Variants in VWF observed in about 807,000 individuals in gnomAD.
The protein encoded by VWF is von Willebrand factor, also known as Factor VIII related antigen.
In VWF, 176 loss-of-function variants were observed where a neutral mutation model predicts 308.6. The ratio of observed to expected loss-of-function variants is 0.57; its 90% CI spans 0.50 to 0.65. VWF has a LOEUF of 0.65. VWF is among the 30% of genes least tolerant of loss of function. VWF has a pLI of 0.00. For missense variants in VWF, 3,146 were observed against 3,648.2 expected, an observed-to-expected ratio of 0.86 and a Z score of 3.55; for synonymous variants, 1,385 against 1,443.4, an observed-to-expected ratio of 0.96 and a Z score of 0.92.
chr12:5,976,455 G>C (rs1206655951), intron 42 of VWF, among the ~76,000 whole-genome samples, 195 bp from the exon 43 acceptor site: 1 of 152,104 alleles, frequency 6.6e-6, no homozygotes, highest in Non-Finnish European at 1.5e-5. Flanking sequence ...ACCAGCCTTA[G>C]AAAAGCTATG....
intron 50 of VWF, 30 bp from the exon 51 acceptor site, chr12:5,949,913 G>C: frequency 6.2e-7 from 1 of 1,602,212 alleles, no homozygotes; most frequent in Admixed American, 1.7e-5. Context: ...TGAAACTTGA[G>C]GACTGGCTGG....
At chr12:6,099,726 T>C (rs1945140910) in intron 5 of VWF, among the ~76,000 whole-genome samples, 1 of 151,870 alleles carries the variant, frequency 6.6e-6, no homozygotes, top group Non-Finnish European at 1.5e-5. Context: ...CCTTACACCT[T>C]ATACAAAAAT....
At position 6,018,697 on chromosome 12, in the gene VWF, T is replaced by C; in HGVS notation, c.4721A>G (p.Asn1574Ser). Residue 1574 changes from asparagine to serine, a missense_variant, in exon 28 of 52, where the codon AAC becomes AGC. Physicochemically the swap from Asn to Ser is conservative, Grantham distance 46. Transcript: ENST00000261405. ...RVREIRYQGG[N>S]RTNTGLALRY... ...CAGGGCCAGCCCAGTGTTGGTCCTG[T>C]TGCCGCCCTGGTAGCGGATCTCTCG... 6.2e-7 allele frequency: 1 copy of C among 1,613,760 alleles called. No individual in the cohort carries two copies. The highest frequency in any genetic ancestry group is 8.5e-7 in the Non-Finnish European group (1 of 1,179,860).
intron 50 of VWF, among the ~76,000 whole-genome samples, chr12:5,950,486 A>G (rs1028889564): frequency 2.6e-4 from 39 of 152,188 alleles, no homozygotes; most frequent in Admixed American, 7.2e-4. Context: ...TACTTGGCCC[A>G]CTGGGAATTC....
chr12:6,049,347 G>C (rs530498657), intron 16 of VWF, among the ~76,000 whole-genome samples: 2 of 152,186 alleles, frequency 1.3e-5, no homozygotes, highest in African/African-American at 2.4e-5. Flanking sequence ...ACATGGAGAG[G>C]TCGCTGATGT....
At chr12:5,983,615 A>G (rs2136373363) in intron 40 of VWF, among the ~76,000 whole-genome samples, 1 of 152,174 alleles carries the variant, frequency 6.6e-6, no homozygotes, top group South Asian at 2.1e-4. Flanking sequence ...AACATAGGGT[A>G]GATAGACAGA....
At chr12:6,089,262 G>T (rs538079217) in intron 6 of VWF, among the ~76,000 whole-genome samples, 1 of 152,336 alleles carries the variant, frequency 6.6e-6, no homozygotes, top group East Asian at 1.9e-4. Flanking sequence ...AACCTCGGTT[G>T]TGGGCAAACA....
intron 3 of VWF, among the ~76,000 whole-genome samples, chr12:6,112,903 C>A (rs1359589007): frequency 1.3e-5 from 2 of 151,804 alleles, no homozygotes; most frequent in Non-Finnish European, 2.9e-5. Flanking sequence ...CTGGAACACA[C>A]AAACACTCCA....
At chr12:6,110,094 C>A (rs151227584) in intron 5 of VWF, among the ~76,000 whole-genome samples, 1 of 152,300 alleles carries the variant, frequency 6.6e-6, no homozygotes, top group Non-Finnish European at 1.5e-5. Flanking sequence ...TGAGGAGGAT[C>A]GACTCAAACT....
chr12:6,077,517 T>C (rs1473404020), intron 6 of VWF, among the ~76,000 whole-genome samples: 1 of 152,330 alleles, frequency 6.6e-6, no homozygotes, highest in African/African-American at 2.4e-5. Flanking sequence ...ATGACAAGCC[T>C]AGGCCTTAAA....
chr12:6,042,136 G>A lies in VWF; in HGVS notation c.2442+2155C>T, dbSNP rs78077181. 2.0e-5 allele frequency among the ~76,000 whole-genome samples: 3 copies of A among 152,326 alleles called. No homozygotes were observed. In the East Asian group the frequency reaches 5.8e-4, roughly 29 times the overall value. ...GACTGAAGGATTGCACAAGAGCATGGAGTGGGAAAGCAGGGAAGCCTGGCC... is the reference window on the plus strand; with the variant it reads ...GACTGAAGGATTGCACAAGAGCATGAAGTGGGAAAGCAGGGAAGCCTGGCC... On this transcript the variant is annotated intron_variant, in intron 18 of 51. Transcript: ENST00000261405.
At position 6,018,481 on chromosome 12, in the gene VWF, T is replaced by A; in HGVS notation, c.4937A>T (p.Asn1646Ile). Reference sequence around the variant, plus strand: ...AAAGTCCTGGATGAGGATAGGGGCATTGGGCCAGCCAATCCTCTCCAGCTC... The same window carrying A: ...AAAGTCCTGGATGAGGATAGGGGCAATGGGCCAGCCAATCCTCTCCAGCTC... ...VQELERIGWP[N>I]APILIQDFET... Residue 1646 changes from asparagine (N) to isoleucine (I), a missense_variant, in exon 28 of 52, where the codon AAT becomes ATT. Asn to Ile is a moderately radical substitution (Grantham distance 149). Around this residue, in one of 3 missense-constraint regions of VWF, gnomAD observed 853 missense variants for 1,177.8 expected, o/e 0.72. Transcript: ENST00000261405. 2.5e-6 allele frequency: 4 copies of A among 1,613,602 alleles called. No homozygotes were observed. The highest frequency in any genetic ancestry group is 3.4e-6 in the Non-Finnish European group (4 of 1,179,858).
rs768953693 is a variant in VWF, at chr12:6,019,275, G to A, written c.4143C>T (p.Thr1381=). The A allele has an allele frequency of 1.5e-5, 25 of 1,613,802 alleles. No individual in the cohort carries two copies. The highest frequency in any genetic ancestry group is 2.1e-5 in the Non-Finnish European group (25 of 1,179,874). Residue 1381 remains threonine, a synonymous_variant, in exon 28 of 52, where the codon ACC becomes ACT. Transcript: ENST00000261405. The surrounding 1 kb of genome is among the most constrained non-coding windows in gnomAD (Gnocchi z 5.8). ...GCTCCTGGCTGGCCATCAGGAGCAG[G>A]GTGATGCGGGAGGCTTCAGGGCGGT... is the stretch of plus-strand genomic sequence containing the variant. ...KIDRPEASRI[T]LLLMASQEPQ...
At chr12:5,950,353 T>C (rs577468482) in intron 50 of VWF, among the ~76,000 whole-genome samples, 1 of 152,266 alleles carries the variant, frequency 6.6e-6, no homozygotes, top group East Asian at 1.9e-4. Flanking sequence ...CCTGCCTCTC[T>C]GGGGACCGAG....
chr12:6,114,530 T>A (rs571262275), intron 3 of VWF, among the ~76,000 whole-genome samples: 1 of 152,138 alleles, frequency 6.6e-6, no homozygotes, highest in Non-Finnish European at 1.5e-5. Context: ...CCAGCCCTCC[T>A]AGAGTAAATA....
intron 21 of VWF, among the ~76,000 whole-genome samples, chr12:6,030,798 C>T (rs748121537): frequency 1.3e-5 from 2 of 152,190 alleles, no homozygotes; most frequent in Non-Finnish European, 2.9e-5. Context: ...GAGGCCAAGG[C>T]AGGTAGATCA....
At chr12:5,964,246 A>ACATGCATGCATG (rs1555189790) in intron 47 of VWF, among the ~76,000 whole-genome samples, 7 of 133,168 alleles carry the variant, frequency 5.3e-5, no homozygotes, top group African/African-American at 1.7e-4. Flanking sequence ...ATACATACAT[A>ACATGCATGCATG]CATGCATACA....
intron 16 of VWF, among the ~76,000 whole-genome samples, chr12:6,047,535 T>C (rs976936261): frequency 1.3e-5 from 2 of 152,246 alleles, no homozygotes; most frequent in Admixed American, 6.5e-5. Context: ...CCCTTGGACT[T>C]GGCCTCCAAC....
At chr12:5,957,480 CAAGCT>C (rs1379085053) in intron 47 of VWF, among the ~76,000 whole-genome samples, 3 of 152,030 alleles carry the variant, frequency 2.0e-5, no homozygotes, top group Non-Finnish European at 2.9e-5. Context: ...AGCATATACT[CAAGCT>C]TCTGAAAACT....
Sources: gnomAD v4.1 joint callset for allele counts (sites outside exome capture counted in the v4.1 genomes callset) on GRCh38, gnomAD v4.1.1 for gene constraint, gnomAD v4.1.1 regional missense constraint, Gnocchi (gnomAD v3.1) non-coding constraint, MANE v1.5 for transcripts, NCBI Gene and HGNC (gene_info 2026-07-23, HGNC 2026-07-21) for gene names.